Variants in DDR2 observed in about 807,000 individuals in gnomAD.
DDR2 encodes discoidin domain-containing receptor 2.
Under a neutral mutation model 94.9 loss-of-function variants are expected in DDR2, and 27 were observed. That is an observed-to-expected ratio of 0.28 (90% CI 0.21 to 0.39). The LOEUF (loss-of-function observed/expected upper bound fraction) is 0.39. Among genes scored for constraint, DDR2 ranks in the 10% least tolerant of loss-of-function variants. The pLI is 1.00. For synonymous variants in DDR2, 382 were observed against 377.2 expected (o/e 1.01, Z -0.15); for missense variants, 783 against 1,076.0 (o/e 0.73, Z 3.81).
chr1:162,754,071 C>T lies in DDR2; in HGVS notation c.186-553C>T, dbSNP rs369637457. On this transcript the variant is annotated intron_variant, in intron 4 of 17. Transcript: ENST00000367921. ...ACAATTTTGCTCAGTGGTAGCTCAG[C>T]CTGAAGGTAATAAAATGAAACCAGA... Among the ~76,000 whole-genome samples the T allele has an allele frequency of 5.9e-5, 9 of 152,106 alleles. No individual in the cohort carries two copies. The East Asian group carries it at 1.5e-3, about 26-fold the overall frequency.
At chr1:162,723,110 C>T (rs948183742) in intron 3 of DDR2, among the ~76,000 whole-genome samples, 13 of 152,164 alleles carry the variant, frequency 8.5e-5, no homozygotes, top group Non-Finnish European at 1.5e-5. Flanking sequence ...GCCTAACCTG[C>T]AGGAGAGTCA....
intron 2 of DDR2, among the ~76,000 whole-genome samples, chr1:162,687,293 C>T (rs1416883444): frequency 1.3e-5 from 2 of 152,184 alleles, no homozygotes; most frequent in South Asian, 4.1e-4. Flanking sequence ...TGCCCAGTGG[C>T]CTGGTCTTAA....
At chr1:162,639,972 T>C (rs923416855) in intron 1 of DDR2, among the ~76,000 whole-genome samples, 1 of 152,186 alleles carries the variant, frequency 6.6e-6, no homozygotes, top group Admixed American at 6.5e-5. Flanking sequence ...TCATTATACC[T>C]TTGTCAAAAC....
At chr1:162,756,897 T>A (rs1162011193) in intron 7 of DDR2, among the ~76,000 whole-genome samples, 3 of 152,194 alleles carry the variant, frequency 2.0e-5, no homozygotes, top group African/African-American at 7.2e-5. Context: ...CCGAATTCAG[T>A]TTAATTTAAT....
chr1:162,741,879 C>T (rs754183537), intron 3 of DDR2, among the ~76,000 whole-genome samples: 30 of 152,272 alleles, frequency 2.0e-4, no homozygotes, highest in Admixed American at 1.4e-3. Flanking sequence ...GCACACTCAG[C>T]GACATGTAAG....
chr1:162,703,129 G>A (rs1457543415), intron 2 of DDR2, among the ~76,000 whole-genome samples: 1 of 152,202 alleles, frequency 6.6e-6, no homozygotes, highest in Non-Finnish European at 1.5e-5. Context: ...GGGATAGAGA[G>A]TATATGCAGT....
At chr1:162,640,617 C>A (rs1429181646) in intron 1 of DDR2, among the ~76,000 whole-genome samples, 3 of 152,102 alleles carry the variant, frequency 2.0e-5, no homozygotes, top group Non-Finnish European at 4.4e-5. Context: ...TGAAGGCAGT[C>A]ATTGTAATAT....
intron 2 of DDR2, among the ~76,000 whole-genome samples, chr1:162,708,593 T>A (rs1409137105): frequency 6.6e-6 from 1 of 152,188 alleles, no homozygotes; most frequent in Non-Finnish European, 1.5e-5. Flanking sequence ...CAGAAGTGGC[T>A]GCCACTCAGT....
At chr1:162,755,519 G>A in intron 6 of DDR2, 145 bp from the exon 7 acceptor site, 3 of 1,011,326 alleles carry the variant, frequency 3.0e-6, no homozygotes, top group Non-Finnish European at 4.6e-6. Flanking sequence ...TGCCATGGAG[G>A]GGCACTCCTC....
intron 2 of DDR2, among the ~76,000 whole-genome samples, chr1:162,685,811 A>G (rs1045003667): frequency 6.6e-6 from 1 of 152,200 alleles, no homozygotes; most frequent in African/African-American, 2.4e-5. Flanking sequence ...AGGATTTATC[A>G]TTATCCCCAT....
intron 2 of DDR2, among the ~76,000 whole-genome samples, chr1:162,666,820 G>C (rs2101929715): frequency 6.6e-6 from 1 of 151,586 alleles, no homozygotes; most frequent in African/African-American, 2.4e-5. Flanking sequence ...TAATTCCCCA[G>C]AGATAACTAC....
At chr1:162,770,616 T>A in intron 12 of DDR2, 104 bp downstream of exon 12, 1 of 1,143,858 alleles carries the variant, frequency 8.7e-7, no homozygotes, top group Non-Finnish European at 1.3e-6. Context: ...TTTTAGTCTC[T>A]GCTAACCTCC....
Position 162,750,821 on chromosome 1 carries a change from C to G in DDR2, c.83-2274C>G, listed in dbSNP as rs553268191. 9.5e-3 allele frequency among the ~76,000 whole-genome samples: 1,445 copies of G among 151,962 alleles called. 22 individuals are homozygous for G. The highest frequency in any genetic ancestry group is 0.033 in the African/African-American group (1,377 of 41,394). ...AGATATAGACCAATGGAACAGAACA[C>G]AGCCCTCAGAAATAATACCACACAT... On this transcript the variant is annotated intron_variant, in intron 3 of 17. Transcript: ENST00000367921.
intron 1 of DDR2, among the ~76,000 whole-genome samples, chr1:162,650,757 GCT>G (rs1657649191): frequency 6.6e-6 from 1 of 151,824 alleles, no homozygotes; most frequent in Non-Finnish European, 1.5e-5. Flanking sequence ...ACAGAGTCTT[GCT>G]CTGTTACCCT....
chr1:162,718,865 G>C (rs568943042), intron 2 of DDR2, among the ~76,000 whole-genome samples, 172 bp from the exon 3 acceptor site: 1 of 152,266 alleles, frequency 6.6e-6, no homozygotes, highest in South Asian at 2.1e-4. Context: ...GTGATTATTG[G>C]ATGTGCCATT....
At chr1:162,643,935 C>A (rs571335325) in intron 1 of DDR2, among the ~76,000 whole-genome samples, 2 of 152,136 alleles carry the variant, frequency 1.3e-5, no homozygotes, top group Admixed American at 6.6e-5. Context: ...GAGAGTCTGG[C>A]ACATTCAGAA....
chr1:162,657,418 A>G (rs1658049850), intron 2 of DDR2, among the ~76,000 whole-genome samples: 2 of 152,104 alleles, frequency 1.3e-5, no homozygotes, highest in Admixed American at 6.5e-5. Flanking sequence ...TAATAGGGAG[A>G]CCAAATAATT....
At position 162,759,815 on chromosome 1, in the gene DDR2, CA is replaced by C. The variant is rs1334907412; in HGVS notation, c.693del (p.Gln231HisfsTer2). On this transcript the variant is annotated frameshift_variant, in exon 8 of 18. Coordinates refer to ENST00000367921, the MANE Select transcript of DDR2 (RefSeq NM_006182.4). LOFTEE classifies it high-confidence loss of function. ...GAGCAGCATGACAGAAGGGCTAGGC[CA>C]ATTGACCGATGGTGTGTCTGGCCTG... is the stretch of plus-strand genomic sequence containing the variant. ...VGYSMTEGLG[Q>X]LTDGVSGLDD... 6.2e-7 allele frequency: 1 copy of C among 1,613,974 alleles called. No individual in the cohort carries two copies. Among genetic ancestry groups the C allele is most frequent in the African/African-American group, 1.3e-5 (1 of 74,918 alleles).
intron 1 of DDR2, among the ~76,000 whole-genome samples, chr1:162,654,059 C>G (rs1235063097): frequency 2.0e-5 from 3 of 152,302 alleles, no homozygotes; most frequent in Middle Eastern, 3.4e-3. Context: ...ACCATGTATG[C>G]AGACGTGGAA....
Sources: gnomAD v4.1 joint callset for allele counts (sites outside exome capture counted in the v4.1 genomes callset) on GRCh38, gnomAD v4.1.1 for gene constraint, MANE v1.5 for transcripts, NCBI Gene and HGNC (gene_info 2026-07-23, HGNC 2026-07-21) for gene names.